The following LINGO2 variants were observed in gnomAD, a reference collection of about 807,000 sequenced individuals.
The protein encoded by LINGO2 is leucine-rich repeat and immunoglobulin-like domain-containing nogo receptor-interacting protein 2.
In LINGO2, 14 loss-of-function variants were observed where a neutral mutation model predicts 30.6. The observed-to-expected ratio is 0.46, with a 90% CI of 0.30 to 0.72. The LOEUF (loss-of-function observed/expected upper bound fraction) is 0.72. Among genes scored for constraint, LINGO2 ranks in the 30% least tolerant of loss-of-function variants. The pLI is 0.07. For missense variants in LINGO2, 729 were observed against 751.7 expected, an observed-to-expected ratio of 0.97 and a Z score of 0.35; for synonymous variants, 317 against 288.5, an observed-to-expected ratio of 1.10 and a Z score of -1.00.
chr9:28,564,769 T>A (rs893215496), intron 1 of LINGO2, among the ~76,000 whole-genome samples: 2 of 152,160 alleles, frequency 1.3e-5, no homozygotes, highest in Non-Finnish European at 2.9e-5. Context: ...TGTGTCACTT[T>A]ACACTTAAAT....
chr9:28,735,135 G>T, the LINGO2 span, among the ~76,000 whole-genome samples: 1 of 151,896 alleles, frequency 6.6e-6, no homozygotes, highest in East Asian at 1.9e-4. Context: ...CTGCAGTATT[G>T]TTTACAAGAA....
chr9:28,526,615 C>T (rs756883643), intron 1 of LINGO2, among the ~76,000 whole-genome samples: 11 of 152,080 alleles, frequency 7.2e-5, no homozygotes, highest in Non-Finnish European at 1.3e-4. Flanking sequence ...AATTCTATGG[C>T]CTTCCTGCAA....
At chr9:28,430,663 C>G (rs1166121039) in intron 2 of LINGO2, among the ~76,000 whole-genome samples, 1 of 152,094 alleles carries the variant, frequency 6.6e-6, no homozygotes, top group Non-Finnish European at 1.5e-5. Flanking sequence ...GTTGCTTACA[C>G]TCAATGTCAT....
At chr9:28,834,148 C>T in the LINGO2 span, among the ~76,000 whole-genome samples, 1 of 151,866 alleles carries the variant, frequency 6.6e-6, no homozygotes, top group East Asian at 1.9e-4. Flanking sequence ...AGTTTGATCT[C>T]TTATCAGAGA....
intron 4 of LINGO2, among the ~76,000 whole-genome samples, chr9:28,190,439 G>A (rs1032513764): frequency 2.0e-5 from 3 of 152,058 alleles, no homozygotes; most frequent in Admixed American, 1.3e-4. Context: ...CTAGTGTAAT[G>A]GTATTAGGAG....
chr9:28,349,849 G>A (rs896153660), intron 3 of LINGO2, among the ~76,000 whole-genome samples: 47 of 152,084 alleles, frequency 3.1e-4, no homozygotes, highest in African/African-American at 8.2e-4. Context: ...GATATTCAAC[G>A]TTCTTAAAGA....
intron 1 of LINGO2, among the ~76,000 whole-genome samples, chr9:28,558,224 T>G (rs1480871125): frequency 6.6e-6 from 1 of 151,792 alleles, no homozygotes; most frequent in Admixed American, 6.6e-5. Flanking sequence ...ATCTAGCTGA[T>G]TTCGTTCTAC....
chr9:28,305,343 T>C (rs1303859736), intron 3 of LINGO2, among the ~76,000 whole-genome samples: 1 of 152,002 alleles, frequency 6.6e-6, no homozygotes, highest in Non-Finnish European at 1.5e-5. Context: ...ATCACTTCTG[T>C]TCAACATTGT....
intron 3 of LINGO2, among the ~76,000 whole-genome samples, chr9:28,327,134 GAAGGTGCCATCC>G (rs1440329450): frequency 1.8e-4 from 27 of 152,292 alleles, no homozygotes; most frequent in South Asian, 8.3e-4. Flanking sequence ...GATGCAGTAA[GAAGGTGCCATCC>G]ATGAGAAACA....
At chr9:28,084,703 C>A (rs1219324008) in intron 4 of LINGO2, among the ~76,000 whole-genome samples, 3 of 152,038 alleles carry the variant, frequency 2.0e-5, no homozygotes, top group African/African-American at 7.2e-5. Flanking sequence ...ATGGTATTTA[C>A]CTCTAAAAAA....
At chr9:28,595,228 A>G (rs991206003) in intron 1 of LINGO2, among the ~76,000 whole-genome samples, 1 of 152,106 alleles carries the variant, frequency 6.6e-6, no homozygotes, top group Non-Finnish European at 1.5e-5. Flanking sequence ...AGTGGATGCC[A>G]CCCAGTATTA....
chr9:29,028,426 G>GT, the LINGO2 span, among the ~76,000 whole-genome samples: 222 of 93,262 alleles, frequency 2.4e-3, 11 homozygotes, highest in African/African-American at 7.5e-3. Context: ...GTGTGGGGGG[G>GT]GGTGAGAGAG....
intron 5 of LINGO2, among the ~76,000 whole-genome samples, chr9:27,994,867 C>CAAAGCA (rs1821579214): frequency 3.3e-5 from 5 of 152,156 alleles, no homozygotes; most frequent in Non-Finnish European, 7.4e-5. Flanking sequence ...TTCCCTTAAG[C>CAAAGCA]AGCTTGCAGC....
intron 4 of LINGO2, among the ~76,000 whole-genome samples, chr9:28,199,362 C>T (rs71512431): frequency 2.6e-4 from 30 of 117,378 alleles, no homozygotes; most frequent in Admixed American, 4.1e-4. Context: ...TTTTTTGAGA[C>T]GGAGTCTCGC....
At chr9:28,068,553 A>T (rs1382315319) in intron 4 of LINGO2, among the ~76,000 whole-genome samples, 1 of 152,186 alleles carries the variant, frequency 6.6e-6, no homozygotes, top group Non-Finnish European at 1.5e-5. Context: ...CAACATATTC[A>T]TTCATTTATT....
chr9:28,192,852 T>C (rs557159970), intron 4 of LINGO2, among the ~76,000 whole-genome samples: 7 of 138,980 alleles, frequency 5.0e-5, no homozygotes, highest in Non-Finnish European at 9.4e-5. Context: ...TGAAAATACA[T>C]TTTTCTATGT....
chr9:28,814,495 G>A, the LINGO2 span, among the ~76,000 whole-genome samples: 1,250 of 152,202 alleles, frequency 8.2e-3, 15 homozygotes, highest in African/African-American at 0.025. Flanking sequence ...AGGTAACACC[G>A]TCTTTTTCCA....
chr9:28,873,076 A>G, the LINGO2 span, among the ~76,000 whole-genome samples: 1 of 152,114 alleles, frequency 6.6e-6, no homozygotes, highest in African/African-American at 2.4e-5. Flanking sequence ...ATTCTCTACT[A>G]GTAAGAAAAC....
At chr9:28,799,634 C>T in the LINGO2 span, among the ~76,000 whole-genome samples, 5 of 152,140 alleles carry the variant, frequency 3.3e-5, no homozygotes, top group African/African-American at 4.8e-5. Context: ...GCAGTGACCT[C>T]TGAGGCCTGA....
Sources: allele counts gnomAD v4.1 joint callset (sites outside exome capture counted in the v4.1 genomes callset), GRCh38; gene constraint gnomAD v4.1.1; transcripts MANE v1.5; gene names NCBI Gene and HGNC (gene_info 2026-07-23, HGNC 2026-07-21).